Variants in CLASP1 observed in about 807,000 individuals in gnomAD.
CLASP1 encodes CLIP-associating protein 1.
In CLASP1, 38 loss-of-function variants were observed where a neutral mutation model predicts 192.3. That is an observed-to-expected ratio of 0.20 (90% CI 0.15 to 0.26). CLASP1 has a LOEUF of 0.26. Among genes scored for constraint, CLASP1 ranks in the 10% least tolerant of loss-of-function variants. The pLI is 1.00. For missense variants in CLASP1, 1,433 were observed against 1,932.5 expected (o/e 0.74, Z 4.85); for synonymous variants, 691 against 712.8 (o/e 0.97, Z 0.49).
At chr2:121,350,023 G>A (rs1427121035) in intron 37 of CLASP1, among the ~76,000 whole-genome samples, 1 of 152,152 alleles carries the variant, frequency 6.6e-6, no homozygotes, top group Non-Finnish European at 1.5e-5. Flanking sequence ...TACTACCAAT[G>A]GCACAGAGTA....
chr2:121,492,245 C>T (rs964317693), intron 8 of CLASP1, among the ~76,000 whole-genome samples: 7 of 151,476 alleles, frequency 4.6e-5, no homozygotes, highest in African/African-American at 1.5e-4. Context: ...AAAAATTAGC[C>T]GGGCGTGGTG....
intron 2 of CLASP1, among the ~76,000 whole-genome samples, chr2:121,597,719 A>G (rs1054044240): frequency 6.6e-6 from 1 of 152,254 alleles, no homozygotes; most frequent in African/African-American, 2.4e-5. Context: ...AAAAGCACCA[A>G]GCCCCTGCTA....
At chr2:121,628,673 C>CAA (rs75085413) in intron 1 of CLASP1, among the ~76,000 whole-genome samples, 2 of 76,598 alleles carry the variant, frequency 2.6e-5, no homozygotes, top group Admixed American at 1.4e-4. Context: ...GACTCTGTCT[C>CAA]AAAAAAAAAA....
intron 1 of CLASP1, among the ~76,000 whole-genome samples, chr2:121,610,672 T>G (rs1404819739): frequency 0.077 from 1,885 of 24,606 alleles, no homozygotes; most frequent in Non-Finnish European, 0.085. Context: ...GGAGGAGGAG[T>G]TGGAGGAGTT....
intron 3 of CLASP1, among the ~76,000 whole-genome samples, chr2:121,528,997 A>G (rs921761249): frequency 2.0e-5 from 3 of 152,152 alleles, no homozygotes; most frequent in African/African-American, 7.2e-5. Context: ...GGACAGATAC[A>G]CTATTTGTCT....
chr2:121,462,740 AC>A, intron 9 of CLASP1, 135 bp from the exon 10 acceptor site: 1 of 614,324 alleles, frequency 1.6e-6, no homozygotes, highest in Non-Finnish European at 2.9e-6. Context: ...GCTTCATATA[AC>A]TTTGAAGTGT....
chr2:121,434,849 G>A lies in CLASP1; in HGVS notation c.1913-4672C>T, dbSNP rs140538599. Among the ~76,000 whole-genome samples, 293 of 152,116 alleles carry A rather than the reference G, an allele frequency of 1.9e-3. 2 individuals carry two copies. Among genetic ancestry groups the A allele is most frequent in the African/African-American group, 6.0e-3 (249 of 41,516 alleles). Reference sequence around the variant, plus strand: ...CTAAAAATGCAAAAATTACCTGGGCGTGGTGGTGCACGCCTGCAATCCTCT... The same window carrying A: ...CTAAAAATGCAAAAATTACCTGGGCATGGTGGTGCACGCCTGCAATCCTCT... On this transcript the variant is annotated intron_variant, in intron 19 of 39. Coordinates refer to ENST00000263710, the Ensembl canonical transcript of CLASP1.
chr2:121,587,891 G>A (rs148347462), intron 2 of CLASP1, among the ~76,000 whole-genome samples: 30 of 146,682 alleles, frequency 2.0e-4, no homozygotes, highest in African/African-American at 5.0e-4. Flanking sequence ...GCTCAACATC[G>A]GCCAGGCGCA....
chr2:121,548,335 C>A (rs2057676261), intron 2 of CLASP1, among the ~76,000 whole-genome samples: 1 of 152,076 alleles, frequency 6.6e-6, no homozygotes, highest in South Asian at 2.1e-4. Flanking sequence ...TGAAGACTGG[C>A]TCTCTGAAAT....
intron 21 of CLASP1, among the ~76,000 whole-genome samples, chr2:121,426,603 CAT>C (rs893936243): frequency 1.3e-5 from 2 of 151,966 alleles, no homozygotes; most frequent in Admixed American, 6.6e-5. Flanking sequence ...CCTTTCCACA[CAT>C]GAATATTAAA....
intron 39 of CLASP1, among the ~76,000 whole-genome samples, chr2:121,343,637 AGAAAGGTGGAT>A (rs1329549703): frequency 6.6e-6 from 1 of 152,240 alleles, no homozygotes; most frequent in Non-Finnish European, 1.5e-5. Flanking sequence ...GACAGAAAGT[AGAAAGGTGGAT>A]GCCAGGGGTT....
At chr2:121,629,849 T>TA (rs2106209609) in intron 1 of CLASP1, among the ~76,000 whole-genome samples, 1 of 141,440 alleles carries the variant, frequency 7.1e-6, no homozygotes, top group Admixed American at 6.7e-5. Flanking sequence ...GTTTATAAAA[T>TA]AAAAACTTTT....
chr2:121,375,758 T>C (rs2069959495), intron 34 of CLASP1, among the ~76,000 whole-genome samples: 2 of 152,152 alleles, frequency 1.3e-5, no homozygotes, highest in African/African-American at 2.4e-5. Flanking sequence ...GCAGTGGCCA[T>C]ACTCACTGCA....
At chr2:121,610,264 C>CAGGAGGAAGAGAAACTGGAGG (rs1322463736) in intron 1 of CLASP1, among the ~76,000 whole-genome samples, 41 of 143,454 alleles carry the variant, frequency 2.9e-4, no homozygotes, top group Middle Eastern at 4.3e-3. Flanking sequence ...GGAGGAGTTA[C>CAGGAGGAAGAGAAACTGGAGG]AGGAGGAAGA....
At chr2:121,537,819 G>C (rs912738730) in intron 2 of CLASP1, among the ~76,000 whole-genome samples, 1 of 152,118 alleles carries the variant, frequency 6.6e-6, no homozygotes, top group African/African-American at 2.4e-5. Flanking sequence ...CATGTAACTT[G>C]CCATATTAAT....
intron 7 of CLASP1, among the ~76,000 whole-genome samples, chr2:121,512,693 C>T (rs2094173472): frequency 6.6e-6 from 1 of 152,160 alleles, no homozygotes; most frequent in Non-Finnish European, 1.5e-5. Flanking sequence ...GCTGGTTGTA[C>T]AGGTCTCTTT....
chr2:121,443,100 A>G (rs1484490407), intron 19 of CLASP1, among the ~76,000 whole-genome samples: 1 of 152,198 alleles, frequency 6.6e-6, no homozygotes, highest in African/African-American at 2.4e-5. Context: ...CAGCCTGTGC[A>G]GCCCCAGTAC....
Position 121,605,275 on chromosome 2 carries a change from G to A in CLASP1, c.195+426C>T, listed in dbSNP as rs548778626. Among the ~76,000 whole-genome samples, 974 of 152,226 alleles carry A rather than the reference G, an allele frequency of 6.4e-3. 6 individuals are homozygous for A. Among genetic ancestry groups the A allele is most frequent in the Non-Finnish European group, 0.011 (759 of 68,020 alleles). On this transcript the variant is annotated intron_variant, in intron 2 of 39. Transcript: ENST00000263710. ...TGGGCCAGCTTCACAACAGTGACCT[G>A]AAGGTAAAATGCTCCACACCTTATT...
At chr2:121,461,124 C>G in exon 11 of CLASP1, 1 of 1,605,370 alleles carries the variant, frequency 6.2e-7, no homozygotes, top group Non-Finnish European at 8.5e-7. Context: ...TGCTCCCAAT[C>G]ATGCTTGTCA....
Sources: allele counts gnomAD v4.1 joint callset (sites outside exome capture counted in the v4.1 genomes callset), GRCh38; gene constraint gnomAD v4.1.1; transcripts MANE v1.5; gene names NCBI Gene and HGNC (gene_info 2026-07-23, HGNC 2026-07-21).